The following CHRNG variants were observed in gnomAD, a reference collection of about 807,000 sequenced individuals.
CHRNG encodes acetylcholine receptor subunit gamma.
Under a neutral mutation model 65.2 loss-of-function variants are expected in CHRNG, and 72 were observed. The ratio of observed to expected loss-of-function variants is 1.10; its 90% CI spans 0.91 to 1.34. CHRNG has a LOEUF of 1.34. CHRNG is among the 40% of genes most tolerant of loss of function. The probability of loss-of-function intolerance (pLI) is 0.00; values close to 1 mark genes in which losing one functional copy is unlikely to be tolerated. For synonymous variants in CHRNG, 284 were observed against 290.2 expected (o/e 0.98, Z 0.22); for missense variants, 637 against 680.1 (o/e 0.94, Z 0.70).
intron 6 of CHRNG, 114 bp downstream of exon 6, chr2:232,542,634 C>T: frequency 1.3e-6 from 1 of 778,804 alleles, no homozygotes; most frequent in Non-Finnish European, 2.3e-6. Flanking sequence ...AAAATGAAAA[C>T]TACAGCAAAC....
rs756645077 is a variant in CHRNG at position 232,540,593 on chromosome 2, C to A, written c.241-9C>A. On this transcript the variant is annotated splice_polypyrimidine_tract_variant and intron_variant, in intron 3 of 11. Transcript: ENST00000651502. This position sits in a 1 kb window ranked among gnomAD's most constrained non-coding sequence, Gnocchi z 4.2. ...GGCAGAGGCCTAGCAACTGCCCCTC[C>A]CCCTGCAGCAGTGGTGCGACTATCG... The A allele has an allele frequency of 2.0e-5, 33 of 1,610,170 alleles. No individual in the cohort carries two copies. The highest frequency in any genetic ancestry group is 2.5e-5 in the Non-Finnish European group (30 of 1,179,524).
Position 232,547,662 on chromosome 2 carries a change from G to A in CHRNG, c.*1946G>A, listed in dbSNP as rs1311631996. 6.6e-6 allele frequency among the ~76,000 whole-genome samples: 1 copy of A among 152,170 alleles called. No homozygotes were observed. Among genetic ancestry groups the A allele is most frequent in the Non-Finnish European group, 1.5e-5 (1 of 68,022 alleles). ...GTCAGAGCTATAGAGAACTAGAGGA[G>A]TTAGGGAGAGTGGGGGAGAACTTCA... On this transcript the variant is annotated 3_prime_UTR_variant, in exon 12 of 12. Transcript: ENST00000651502.
Position 232,540,432 on chromosome 2 carries a change from GGCCACCCT to G in CHRNG, c.240+16_240+23del, listed in dbSNP as rs1405512170. The G allele has an allele frequency of 5.0e-6, 8 of 1,613,684 alleles. No individual in the cohort carries two copies. The East Asian group carries it at 6.7e-5, about 13-fold the overall frequency. ...CAATGTCTGGATAGAGATGGTAAGA[GGCCACCCT>G]GCCACCCTCCTTCCATCAGGGGTCC... On this transcript the variant is annotated splice_region_variant and intron_variant, in intron 3 of 11. Coordinates refer to ENST00000651502, the MANE Select transcript of CHRNG (RefSeq NM_005199.5). This position sits in a 1 kb window ranked among gnomAD's most constrained non-coding sequence, Gnocchi z 4.2.
chr2:232,544,310 T>G, intron 9 of CHRNG, 57 bp from the exon 10 acceptor site: 1 of 1,356,856 alleles, frequency 7.4e-7, no homozygotes, highest in Non-Finnish European at 1.1e-6. Context: ...CACGCCAACC[T>G]CTGGCTTCTG....
At chr2:232,543,116 A>G in intron 7 of CHRNG, 34 bp downstream of exon 7, 1 of 1,603,156 alleles carries the variant, frequency 6.2e-7, no homozygotes, top group Non-Finnish European at 8.5e-7. Flanking sequence ...GCCATCCAGT[A>G]GCACAGGGGA....
At position 232,541,889 on chromosome 2, in the gene CHRNG, T is replaced by C. The variant is rs1692024317; in HGVS notation, c.506+360T>C. 1 of 374,916 alleles carries C rather than the reference T, an allele frequency of 2.7e-6. No homozygotes were observed. The highest frequency in any genetic ancestry group is 5.0e-6 in the Non-Finnish European group (1 of 198,982). The allele number at this position is 374,916 out of a possible 1,614,324, so 23.2% of individuals were successfully genotyped here. A position where few individuals can be genotyped will look rare whatever the true frequency, so the allele number is the denominator to read the frequency against. On this transcript the variant is annotated intron_variant, in intron 5 of 11. Coordinates refer to ENST00000651502, the MANE Select transcript of CHRNG (RefSeq NM_005199.5). The surrounding 1 kb of genome is among the most constrained non-coding windows in gnomAD (Gnocchi z 4.0). ...CCAGGCCCACAGGGAGGCAGGGCTG[T>C]CCTGTGAGAGAGGGGCCCTGGCAGG...
rs1237580314 is a variant in CHRNG, at chr2:232,546,158, G to A, written c.*442G>A. 1 of 282,718 alleles carries A rather than the reference G, an allele frequency of 3.5e-6. No homozygotes were observed. Among genetic ancestry groups the A allele is most frequent in the Non-Finnish European group, 7.0e-6 (1 of 143,382 alleles). 17.5% of individuals were successfully genotyped at this position (282,718 alleles called of 1,614,324 possible). On this transcript the variant is annotated 3_prime_UTR_variant, in exon 12 of 12. Transcript: ENST00000651502. ...AGTAGCAGCCGATGCTCTCTCCAAAGCAGGGCAGCAGCCCATACCAGCTGG... is the reference window on the plus strand; with the variant it reads ...AGTAGCAGCCGATGCTCTCTCCAAAACAGGGCAGCAGCCCATACCAGCTGG...
Position 232,543,719 on chromosome 2 carries a change from A to G in CHRNG, c.1035+20A>G, listed in dbSNP as rs746613858. Reference sequence around the variant, plus strand: ...CGCAAGGCAAGGACCCTCCCTGCCCACTTCAACATCCCGCTGCCCACTCCC... The same window carrying G: ...CGCAAGGCAAGGACCCTCCCTGCCCGCTTCAACATCCCGCTGCCCACTCCC... On this transcript the variant is annotated intron_variant, in intron 9 of 11. Transcript: ENST00000651502. 7.0e-7 allele frequency: 1 copy of G among 1,435,406 alleles called. No individual in the cohort carries two copies. The highest frequency in any genetic ancestry group is 9.8e-7 in the Non-Finnish European group (1 of 1,017,858). 88.9% of individuals were successfully genotyped at this position (1,435,406 alleles called of 1,614,324 possible). A position where few individuals can be genotyped will look rare whatever the true frequency, so the allele number is the denominator to read the frequency against.
chr2:232,544,149 C>T (rs959588083), intron 9 of CHRNG, among the ~76,000 whole-genome samples: 21 of 152,304 alleles, frequency 1.4e-4, no homozygotes, highest in African/African-American at 4.3e-4. Flanking sequence ...GGGCTGGGGG[C>T]AGGAATCTGT....
At position 232,540,446 on chromosome 2, in the gene CHRNG, C is replaced by A. The variant is rs1429432595; in HGVS notation, c.240+21C>A. The A allele has an allele frequency of 2.5e-6, 4 of 1,613,166 alleles. No homozygotes were observed. In the African/African-American group the frequency reaches 4.0e-5, roughly 16 times the overall value. ...AGATGGTAAGAGGCCACCCTGCCAC[C>A]CTCCTTCCATCAGGGGTCCCACCCC... On this transcript the variant is annotated intron_variant, in intron 3 of 11. Coordinates refer to ENST00000651502, the MANE Select transcript of CHRNG (RefSeq NM_005199.5). The surrounding 1 kb of genome is among the most constrained non-coding windows in gnomAD (Gnocchi z 4.2).
rs1326971719 is a variant in CHRNG, at chr2:232,542,521, G to T, written c.604+1G>T. 5.6e-6 allele frequency: 9 copies of T among 1,608,596 alleles called. No homozygotes were observed. Among genetic ancestry groups the T allele is most frequent in the Non-Finnish European group, 7.7e-6 (9 of 1,175,212 alleles). On this transcript the variant is annotated splice_donor_variant, in intron 6 of 11. Coordinates refer to ENST00000651502, the MANE Select transcript of CHRNG (RefSeq NM_005199.5). LOFTEE classifies it high-confidence loss of function. Reference sequence around the variant, plus strand: ...TTCATTGACCCTGAGGCCTTCACAGGTAACCCCCACCCAAGGGCTCCCCAG... The same window carrying T: ...TTCATTGACCCTGAGGCCTTCACAGTTAACCCCCACCCAAGGGCTCCCCAG...
rs1692066730 is a variant in CHRNG, at chr2:232,543,694, CGCAAG to C, written c.1035+2_1035+6del. 1.2e-6 allele frequency: 2 copies of C among 1,602,906 alleles called. No individual in the cohort carries two copies. The highest frequency in any genetic ancestry group is 8.5e-7 in the Non-Finnish European group (1 of 1,170,004). Reference sequence around the variant, plus strand: ...CACACACTCCATGGCCCGAGGGGTCCGCAAGGCAAGGACCCTCCCTGCCCACTTCA... The same window carrying C: ...CACACACTCCATGGCCCGAGGGGTCCGCAAGGACCCTCCCTGCCCACTTCA... On this transcript the variant is annotated frameshift_variant and splice_region_variant, in exon 9 of 12. Coordinates refer to ENST00000651502, the MANE Select transcript of CHRNG (RefSeq NM_005199.5). LOFTEE classifies it high-confidence loss of function.
chr2:232,542,940 G>A lies in CHRNG; in HGVS notation c.663G>A (p.Ala221=), dbSNP rs150556220. The A allele has an allele frequency of 1.1e-3, 1,791 of 1,614,094 alleles. 2 individuals are homozygous for A. Among genetic ancestry groups the A allele is most frequent in the Non-Finnish European group, 1.4e-3 (1,699 of 1,179,972 alleles). The part of the protein sequence containing the change: ...RPAKMLLDPA[A]PAQEAGHQKV... Reference sequence around the variant, plus strand: ...CCAAGATGCTCCTGGACCCAGCGGCGCCAGCCCAGGAAGCAGGCCACCAGA... The same window carrying A: ...CCAAGATGCTCCTGGACCCAGCGGCACCAGCCCAGGAAGCAGGCCACCAGA... The change falls in exon 7 of 12, where the codon GCG becomes GCA. Residue 221 remains alanine (A), a synonymous_variant. Transcript: ENST00000651502.
At position 232,548,102 on chromosome 2, in the gene CHRNG, G is replaced by C. The variant is rs1279830399; in HGVS notation, c.*2386G>C. The stretch of plus-strand genomic sequence containing the variant: ...AAATACTTTATTGCTAAAAAATGCT[G>C]ATTATCAATCTGAGCCTTCGGTGAG... On this transcript the variant is annotated 3_prime_UTR_variant, in exon 12 of 12. Coordinates refer to ENST00000651502, the MANE Select transcript of CHRNG (RefSeq NM_005199.5). 2 of 673,362 alleles carry C rather than the reference G, an allele frequency of 3.0e-6. No individual in the cohort carries two copies. The highest frequency in any genetic ancestry group is 1.8e-5 in the African/African-American group (1 of 54,598). 41.7% of individuals were successfully genotyped at this position (673,362 alleles called of 1,614,324 possible). A position where few individuals can be genotyped will look rare whatever the true frequency, so the allele number is the denominator to read the frequency against.
chr2:232,539,701 C>A lies in CHRNG; in HGVS notation c.-47C>A, dbSNP rs1691973030. The A allele has an allele frequency of 6.3e-7, 1 of 1,594,220 alleles. No individual in the cohort carries two copies. The highest frequency in any genetic ancestry group is 8.6e-7 in the Non-Finnish European group (1 of 1,163,190). On this transcript the variant is annotated 5_prime_UTR_variant, in exon 1 of 12. Coordinates refer to ENST00000651502, the MANE Select transcript of CHRNG (RefSeq NM_005199.5). ...GAGCCCATCTCTCTCTGCCCCAGAC[C>A]TTGGAGCTGTTGTCCCACCCCTGTC...
Position 232,540,731 on chromosome 2 carries a change from A to T in CHRNG, c.350+20A>T. On this transcript the variant is annotated intron_variant, in intron 4 of 11. Coordinates refer to ENST00000651502, the MANE Select transcript of CHRNG (RefSeq NM_005199.5). This position sits in a 1 kb window ranked among gnomAD's most constrained non-coding sequence, Gnocchi z 4.2. Reference sequence around the variant, plus strand: ...GAACAAGTGAGGAGGGGGTGCAGGCAGGGGTGTGGGGGACAAAGGACACAG... The same window carrying T: ...GAACAAGTGAGGAGGGGGTGCAGGCTGGGGTGTGGGGGACAAAGGACACAG... 6.3e-7 allele frequency: 1 copy of T among 1,598,514 alleles called. No homozygotes were observed. Among genetic ancestry groups the T allele is most frequent in the Non-Finnish European group, 8.5e-7 (1 of 1,171,642 alleles).
rs770277202 is a variant in CHRNG, at chr2:232,540,181, C to T, written c.195+50C>T. The T allele has an allele frequency of 1.2e-6, 2 of 1,613,764 alleles. No homozygotes were observed. The highest frequency in any genetic ancestry group is 1.7e-6 in the Non-Finnish European group (2 of 1,179,890). On this transcript the variant is annotated intron_variant, in intron 2 of 11. Transcript: ENST00000651502. This position sits in a 1 kb window ranked among gnomAD's most constrained non-coding sequence, Gnocchi z 4.2. ...TCAGCGCACCACGCCCTGGGACCTG[C>T]TGGGGATAGCATGGGGTGGCTCCAG...
chr2:232,540,644 G>A lies in CHRNG; in HGVS notation c.283G>A (p.Glu95Lys), dbSNP rs369269183. The change falls in exon 4 of 12, where the codon GAA becomes AAA. Residue 95 changes from glutamate (E) to lysine (K), a missense_variant. Glu to Lys is a moderately conservative substitution (Grantham distance 56). Coordinates refer to ENST00000651502, the MANE Select transcript of CHRNG (RefSeq NM_005199.5). This position sits in a 1 kb window ranked among gnomAD's most constrained non-coding sequence, Gnocchi z 4.2. ...YRLRWDPRDY[E>K]GLWVLRVPST... ...CCTGCGCTGGGATCCGCGAGACTAC[G>A]AAGGCCTGTGGGTGCTGAGGGTGCC... The A allele has an allele frequency of 2.9e-5, 46 of 1,613,014 alleles. No individual in the cohort carries two copies. Among genetic ancestry groups the A allele is most frequent in the African/African-American group, 4.0e-5 (3 of 74,930 alleles).
rs1166857172 is a variant in CHRNG, at chr2:232,544,391, C to T, written c.1060C>T (p.Leu354=). The part of the protein sequence containing the change: ...RKVFLRLLPQ[L]LRMHVRPLAP... ...GGTGTTCCTGAGGCTCTTGCCCCAG[C>T]TGCTGAGGATGCACGTTCGCCCGCT... is the stretch of plus-strand genomic sequence containing the variant. The change falls in exon 10 of 12, where the codon CTG becomes TTG. Residue 354 remains leucine (L), a synonymous_variant. Coordinates refer to ENST00000651502, the MANE Select transcript of CHRNG (RefSeq NM_005199.5). 6.2e-7 allele frequency: 1 copy of T among 1,613,450 alleles called. No homozygotes were observed. Among genetic ancestry groups the T allele is most frequent in the Admixed American group, 1.7e-5 (1 of 60,034 alleles).
Sources: allele counts gnomAD v4.1 joint callset (sites outside exome capture counted in the v4.1 genomes callset), GRCh38; gene constraint gnomAD v4.1.1; non-coding constraint Gnocchi (gnomAD v3.1); transcripts MANE v1.5; gene names NCBI Gene and HGNC (gene_info 2026-07-23, HGNC 2026-07-21).